FCAMR: variants seen among roughly 807,000 people sequenced by gnomAD.
The protein encoded by FCAMR is high affinity immunoglobulin alpha and immunoglobulin mu Fc receptor.
FCAMR carries 51 observed loss-of-function variants against 52.2 expected under a neutral mutation model. The ratio of observed to expected loss-of-function variants is 0.98; its 90% CI spans 0.78 to 1.23. The LOEUF is 1.23. FCAMR is among the 50% of genes most tolerant of loss of function. The pLI is 0.00. For missense variants in FCAMR, 719 were observed against 712.6 expected (o/e 1.01, Z -0.10); for synonymous variants, 282 against 262.0 (o/e 1.08, Z -0.74).
At chr1:206,958,804 G>A in intron 7 of FCAMR, 128 bp from the exon 8 acceptor site, 1 of 1,304,494 alleles carries the variant, frequency 7.7e-7, no homozygotes, top group Non-Finnish European at 1.1e-6. Context: ...TGGAGCCCTA[G>A]TTGGCTAGGC....
rs756387120 is a variant in FCAMR at position 206,965,741 on chromosome 1, CA to C, written c.286del (p.Cys96AlafsTer14). The C allele has an allele frequency of 1.3e-6, 2 of 1,577,468 alleles. No individual in the cohort carries two copies. The highest frequency in any genetic ancestry group is 4.7e-5 in the East Asian group (2 of 42,954). On this transcript the variant is annotated frameshift_variant, in exon 4 of 8. Transcript: ENST00000324852. LOFTEE classifies it high-confidence loss of function. ...MGTLRPSSPL[C>X]WREESSFAAP... is the part of the protein sequence containing the mutation. ...TGCAAAGGAGCTCTCCTCCCGCCAG[CA>C]GAGGGGCGAGGAAGGCCTGAGTGTT...
chr1:206,965,978 A>G, intron 3 of FCAMR, 120 bp from the exon 4 acceptor site: 1 of 1,379,100 alleles, frequency 7.3e-7, no homozygotes, highest in Non-Finnish European at 1.0e-6. Context: ...GCTCCAGGCC[A>G]TCCATCAAGT....
In FCAMR at chr1:206,962,286, G is replaced by A. The variant is rs202227399; in HGVS notation, c.579C>T (p.Ile193=). The change falls in exon 5 of 8, where the codon ATC becomes ATT. Residue 193 remains isoleucine, a synonymous_variant. Coordinates refer to ENST00000324852, the MANE Select transcript of FCAMR (RefSeq NM_001170631.2). The stretch of plus-strand genomic sequence containing the variant: ...TTCCAATGCCGCAGAGGTAGCATCC[G>A]ATGTCATCCGGGGACAGTTGGGACA... ...VRLSQLSPDD[I]GCYLCGIGSE... is the part of the protein sequence containing the mutation. 123 of 1,614,050 alleles carry A rather than the reference G, an allele frequency of 7.6e-5. No individual in the cohort carries two copies. Among genetic ancestry groups the A allele is most frequent in the Middle Eastern group, 4.9e-4 (3 of 6,084 alleles).
rs143325039 is a variant in FCAMR, at chr1:206,968,332, T to TCAACAA, written c.40-687_40-682dup. Among the ~76,000 whole-genome samples the TCAACAA allele has an allele frequency of 4.3e-3, 651 of 151,976 alleles. 4 individuals carry two copies. Among genetic ancestry groups the TCAACAA allele is most frequent in the Middle Eastern group, 0.01 (3 of 294 alleles). ...TTGGGTGACAGAGCAAGACTCTGTC[T>TCAACAA]CAACAACAACAACAACAAAAAAGAC... On this transcript the variant is annotated intron_variant, in intron 1 of 7. Coordinates refer to ENST00000324852, the MANE Select transcript of FCAMR (RefSeq NM_001170631.2).
At chr1:206,959,404 G>A (rs1680398833) in intron 7 of FCAMR, among the ~76,000 whole-genome samples, 1 of 151,324 alleles carries the variant, frequency 6.6e-6, no homozygotes, top group African/African-American at 2.4e-5. Context: ...TTGAATCTGG[G>A]AGGCGGAAGT....
At chr1:206,969,816 C>T (rs1479822132) in intron 1 of FCAMR, among the ~76,000 whole-genome samples, 1 of 152,184 alleles carries the variant, frequency 6.6e-6, no homozygotes, top group East Asian at 1.9e-4. Flanking sequence ...ACTGCATGTT[C>T]TCCGTGTTTC....
chr1:206,967,166 G>A, intron 2 of FCAMR, 54 bp from the exon 3 acceptor site: 1 of 1,578,398 alleles, frequency 6.3e-7, no homozygotes, highest in East Asian at 2.3e-5. Flanking sequence ...GGTGAGGGTG[G>A]TGGGACTTGA....
At chr1:206,965,130 T>C (rs1266453931) in intron 4 of FCAMR, among the ~76,000 whole-genome samples, 4 of 152,194 alleles carry the variant, frequency 2.6e-5, no homozygotes, top group Non-Finnish European at 1.5e-5. Flanking sequence ...ATATATGCAA[T>C]ATTCACAATT....
intron 4 of FCAMR, among the ~76,000 whole-genome samples, chr1:206,965,362 G>A (rs990890006): frequency 4.6e-5 from 7 of 152,150 alleles, no homozygotes; most frequent in Middle Eastern, 3.2e-3. Flanking sequence ...CCAAAGTTAA[G>A]AACCAATACC....
chr1:206,965,400 T>A (rs564831206), intron 4 of FCAMR, among the ~76,000 whole-genome samples: 1 of 152,326 alleles, frequency 6.6e-6, no homozygotes, highest in East Asian at 1.9e-4. Flanking sequence ...AGATCACTGA[T>A]CAATAGCTCT....
At position 206,970,074 on chromosome 1, in the gene FCAMR, A is replaced by G. The variant is rs1473623117; in HGVS notation, c.39+13T>C. On this transcript the variant is annotated intron_variant, in intron 1 of 7. Transcript: ENST00000324852. ...GGCAAGATCCCAACCTCCAGGAGAAAGCATCATTTCACCTTTTGTTCTCCA... is the reference window on the plus strand; with the variant it reads ...GGCAAGATCCCAACCTCCAGGAGAAGGCATCATTTCACCTTTTGTTCTCCA... 1 of 1,614,070 alleles carries G rather than the reference A, an allele frequency of 6.2e-7. No individual in the cohort carries two copies. Among genetic ancestry groups the G allele is most frequent in the Non-Finnish European group, 8.5e-7 (1 of 1,179,976 alleles).
Position 206,959,773 on chromosome 1 carries a change from G to T in FCAMR, c.1479C>A (p.Ser493Arg), listed in dbSNP as rs760652810. The T allele has an allele frequency of 4.3e-6, 7 of 1,614,002 alleles. No homozygotes were observed. Among genetic ancestry groups the T allele is most frequent in the Non-Finnish European group, 4.2e-6 (5 of 1,180,012 alleles). Residue 493 changes from serine (S) to arginine (R), a missense_variant, in exon 7 of 8, where the codon AGC becomes AGA. Coordinates refer to ENST00000324852, the MANE Select transcript of FCAMR (RefSeq NM_001170631.2). ...TAGAGACAGGAGCCAGGGTCCGAGA[G>T]CTGCTTTCATCTTCTGGAAAAGTAC... is the stretch of plus-strand genomic sequence containing the variant. ...VKRTFPEDES[S>R]SRTLAPVSTM...
chr1:206,965,310 C>T (rs1440202648), intron 4 of FCAMR, among the ~76,000 whole-genome samples: 1 of 152,134 alleles, frequency 6.6e-6, no homozygotes, highest in Non-Finnish European at 1.5e-5. Context: ...GATTAAGAAT[C>T]CTTAATCAAC....
At position 206,961,143 on chromosome 1, in the gene FCAMR, C is replaced by T. The variant is rs1041108255; in HGVS notation, c.733G>A (p.Ala245Thr). 5 of 1,551,556 alleles carry T rather than the reference C, an allele frequency of 3.2e-6. No individual in the cohort carries two copies. The highest frequency in any genetic ancestry group is 4.4e-6 in the Non-Finnish European group (5 of 1,146,992). ...MRSYGTASPV[A>T]NRWTPGTTQT... is the part of the protein sequence containing the mutation. ...GTGGTTCCTGGGGTCCATCTGTTGG[C>T]CACTGGAGACGCTGTTCCATAGGAT... The change falls in exon 6 of 8, where the codon GCC becomes ACC. Residue 245 changes from alanine to threonine, a missense_variant. By Grantham distance (58) the Ala-to-Thr change is moderately conservative (BLOSUM62 0). Transcript: ENST00000324852.
Position 206,958,656 on chromosome 1 carries a change from T to C in FCAMR, c.1594A>G (p.Thr532Ala). 1 of 1,614,020 alleles carries C rather than the reference T, an allele frequency of 6.2e-7. No individual in the cohort carries two copies. The highest frequency in any genetic ancestry group is 2.2e-5 in the East Asian group (1 of 44,880). ...AGAAAATGTGTCATCTGAATTAAGGTGACCCTTTCTGCCTCCTGAGCTGCA... is the reference window on the plus strand; with the variant it reads ...AGAAAATGTGTCATCTGAATTAAGGCGACCCTTTCTGCCTCCTGAGCTGCA... ...RRTSQEAERVTLIQMTHFLEV... is the reference protein window; with the variant it reads ...RRTSQEAERVALIQMTHFLEV... The change falls in exon 8 of 8, where the codon ACC (threonine) becomes GCC (alanine). Residue 532 changes from threonine (T) to alanine (A), a missense_variant. Physicochemically the swap from Thr to Ala is moderately conservative, Grantham distance 58. Coordinates refer to ENST00000324852, the MANE Select transcript of FCAMR (RefSeq NM_001170631.2).
chr1:206,969,007 G>A (rs1172877046), intron 1 of FCAMR, among the ~76,000 whole-genome samples: 1 of 152,170 alleles, frequency 6.6e-6, no homozygotes, highest in Non-Finnish European at 1.5e-5. Context: ...CTTGGGCACT[G>A]CGATGGCAGT....
At chr1:206,966,018 C>G (rs1418469716) in intron 3 of FCAMR, 160 bp from the exon 4 acceptor site, 2 of 884,972 alleles carry the variant, frequency 2.3e-6, no homozygotes, top group Non-Finnish European at 3.5e-6. Flanking sequence ...GCAGCTTCTC[C>G]CTCCCACTGC....
At position 206,960,446 on chromosome 1, in the gene FCAMR, G is replaced by T. The variant is rs1680458283; in HGVS notation, c.1430C>A (p.Pro477His). The T allele has an allele frequency of 2.6e-6, 4 of 1,512,554 alleles. No individual in the cohort carries two copies. Among genetic ancestry groups the T allele is most frequent in the Non-Finnish European group, 3.5e-6 (4 of 1,129,338 alleles). The allele number at this position is 1,512,554 out of a possible 1,614,324, so 93.7% of individuals were successfully genotyped here. A position where few individuals can be genotyped will look rare whatever the true frequency, so the allele number is the denominator to read the frequency against. The change falls in exon 6 of 8, where the codon CCT becomes CAT. Residue 477 changes from proline to histidine, a missense_variant. Coordinates refer to ENST00000324852, the MANE Select transcript of FCAMR (RefSeq NM_001170631.2). Reference sequence around the variant, plus strand: ...CCGCTTCACGGAGGACTCCTTGCCAGGGGGTCCCCAGGGTCCTACTGCCGG... The same window carrying T: ...CCGCTTCACGGAGGACTCCTTGCCATGGGGTCCCCAGGGTCCTACTGCCGG... Reference protein sequence around the residue: ...QTPAVGPWGPPGKESSVKRTF... With the variant: ...QTPAVGPWGPHGKESSVKRTF...
chr1:206,959,976 G>C (rs1324448672), intron 6 of FCAMR, 179 bp from the exon 7 acceptor site: 2 of 592,738 alleles, frequency 3.4e-6, no homozygotes, highest in Non-Finnish European at 6.0e-6. Context: ...CTGTCTTCAG[G>C]CTTCCAAGCC....
Sources: allele counts gnomAD v4.1 joint callset (sites outside exome capture counted in the v4.1 genomes callset), GRCh38; gene constraint gnomAD v4.1.1; transcripts MANE v1.5; gene names NCBI Gene and HGNC (gene_info 2026-07-23, HGNC 2026-07-21).